Variants in DNAH8 observed in about 807,000 individuals in gnomAD.
DNAH8 encodes axonemal beta dynein heavy chain 8.
In DNAH8, 382 loss-of-function variants were observed where a neutral mutation model predicts 562.1. That is an observed-to-expected ratio of 0.68 (90% CI 0.63 to 0.74). The LOEUF is 0.74. DNAH8 is among the 30% of genes least tolerant of loss of function. The pLI is 0.00. For missense variants in DNAH8, 5,203 were observed against 5,620.4 expected, an observed-to-expected ratio of 0.93 and a Z score of 2.37; for synonymous variants, 1,881 against 1,919.4, an observed-to-expected ratio of 0.98 and a Z score of 0.52.
chr6:39,012,204 C>G lies in DNAH8; in HGVS notation c.13372-11C>G, dbSNP rs1237491098. On this transcript the variant is annotated splice_polypyrimidine_tract_variant and intron_variant, in intron 89 of 92. Transcript: ENST00000327475. Reference sequence around the variant, plus strand: ...AAAATCTCCTTTATTGCATTGTTTACTTTGTTTTAGGTGAAATCTCGTTTG... The same window carrying G: ...AAAATCTCCTTTATTGCATTGTTTAGTTTGTTTTAGGTGAAATCTCGTTTG... The G allele has an allele frequency of 6.3e-7, 1 of 1,585,060 alleles. No individual in the cohort carries two copies. Among genetic ancestry groups the G allele is most frequent in the South Asian group, 1.1e-5 (1 of 88,396 alleles).
chr6:38,804,786 AGAG>A (rs1771111131), intron 22 of DNAH8, among the ~76,000 whole-genome samples: 44 of 110,294 alleles, frequency 4.0e-4, no homozygotes, highest in East Asian at 7.8e-4. Flanking sequence ...AGAGAGAGAG[AGAG>A]AAAGAGAAAA....
Position 38,913,957 on chromosome 6 carries a change from G to T in DNAH8, c.9963+5G>T. 6.2e-7 allele frequency: 1 copy of T among 1,605,238 alleles called. No homozygotes were observed. Among genetic ancestry groups the T allele is most frequent in the East Asian group, 2.2e-5 (1 of 44,650 alleles). On this transcript the variant is annotated splice_donor_5th_base_variant and intron_variant, in intron 67 of 92. Transcript: ENST00000327475. ...GCTTCCATAAAAGCAGACGAAGTGAGTTTGCATTTATTTTATCACTGATGA... is the reference window on the plus strand; with the variant it reads ...GCTTCCATAAAAGCAGACGAAGTGATTTTGCATTTATTTTATCACTGATGA...
Position 38,926,176 on chromosome 6 carries a change from G to T in DNAH8, c.11084G>T (p.Trp3695Leu). 6.2e-7 allele frequency: 1 copy of T among 1,613,508 alleles called. No homozygotes were observed. Among genetic ancestry groups the T allele is most frequent in the African/African-American group, 1.3e-5 (1 of 74,938 alleles). Residue 3695 changes from tryptophan (W) to leucine (L), a missense_variant, in exon 74 of 93, where the codon TGG becomes TTG. Physicochemically the swap from Trp to Leu is moderately conservative, Grantham distance 61 (BLOSUM62 -2). Around this residue, in one of 6 missense-constraint regions of DNAH8, gnomAD observed 1,399 missense variants for 1,518.4 expected, o/e 0.92. Transcript: ENST00000327475. ...GACCCACAAACTCAAGGCAAAACTTGGATTAAATCAAAGGAAAAAGAAAAT... is the reference window on the plus strand; with the variant it reads ...GACCCACAAACTCAAGGCAAAACTTTGATTAAATCAAAGGAAAAAGAAAAT... ...LIDPQTQGKT[W>L]IKSKEKENDL...
chr6:38,993,048 G>A (rs978561008), intron 88 of DNAH8, among the ~76,000 whole-genome samples: 4 of 152,046 alleles, frequency 2.6e-5, no homozygotes, highest in Non-Finnish European at 4.4e-5. Flanking sequence ...CCCTCTCAGT[G>A]GATAGAGCTA....
chr6:38,733,005 C>T (rs1161785974), intron 4 of DNAH8, among the ~76,000 whole-genome samples: 1 of 152,100 alleles, frequency 6.6e-6, no homozygotes, highest in Non-Finnish European at 1.5e-5. Flanking sequence ...TCTCCTGCCT[C>T]AACCTCCTGA....
At chr6:38,799,502 C>T (rs1218170358) in intron 21 of DNAH8, among the ~76,000 whole-genome samples, 2 of 152,136 alleles carry the variant, frequency 1.3e-5, no homozygotes, top group East Asian at 1.9e-4. Flanking sequence ...TCCAAATGCT[C>T]GCACATGCTA....
chr6:38,996,276 A>G (rs1765126549), intron 88 of DNAH8, among the ~76,000 whole-genome samples: 1 of 151,976 alleles, frequency 6.6e-6, no homozygotes. Flanking sequence ...TTCTACTCAC[A>G]TTTTAACCTC....
intron 85 of DNAH8, among the ~76,000 whole-genome samples, chr6:38,981,870 T>C (rs540504657): frequency 2.0e-4 from 30 of 152,356 alleles, no homozygotes; most frequent in African/African-American, 7.2e-4. Context: ...ATTTCTAATA[T>C]GGCTATATGC....
chr6:38,854,040 A>G (rs72852707), intron 41 of DNAH8, among the ~76,000 whole-genome samples: 20,779 of 151,574 alleles, frequency 0.14, 1,637 homozygotes, highest in Admixed American at 0.22. Context: ...GTGTGTGTGT[A>G]TATATATATG....
At chr6:38,816,120 A>G (rs1002716256) in intron 26 of DNAH8, among the ~76,000 whole-genome samples, 1 of 151,248 alleles carries the variant, frequency 6.6e-6, no homozygotes, top group Non-Finnish European at 1.5e-5. Context: ...CAGGATGTGT[A>G]GGTTTGTTAC....
Position 38,768,164 on chromosome 6 carries a change from T to G in DNAH8, c.1618-2249T>G, listed in dbSNP as rs182940926. On this transcript the variant is annotated intron_variant, in intron 11 of 92. Transcript: ENST00000327475. ...GAATTGGGTTGTTTGGGTTTTTTGT[T>G]GTTGTTGTTGTTGAGTTGTAGGATT... Among the ~76,000 whole-genome samples, 480 of 152,266 alleles carry G rather than the reference T, an allele frequency of 3.2e-3. 3 individuals are homozygous for G. The highest frequency in any genetic ancestry group is 0.011 in the African/African-American group (446 of 41,536).
intron 52 of DNAH8, among the ~76,000 whole-genome samples, chr6:38,874,806 T>C (rs988024883): frequency 6.6e-6 from 1 of 152,242 alleles, no homozygotes; most frequent in African/African-American, 2.4e-5. Context: ...CAATTCTCAG[T>C]TAAGAGAGTC....
intron 57 of DNAH8, among the ~76,000 whole-genome samples, chr6:38,889,051 A>G (rs768488667): frequency 3.3e-5 from 5 of 152,222 alleles, no homozygotes; most frequent in African/African-American, 4.8e-5. Context: ...GATTTTGCAC[A>G]TGCATGCCAG....
chr6:38,755,193 A>G (rs970793144), intron 9 of DNAH8, among the ~76,000 whole-genome samples: 6 of 152,156 alleles, frequency 3.9e-5, no homozygotes, highest in African/African-American at 1.4e-4. Flanking sequence ...CACAGAAAAT[A>G]ATGGTGCAAT....
chr6:38,776,049 T>C, intron 13 of DNAH8, 98 bp downstream of exon 13: 1 of 773,184 alleles, frequency 1.3e-6, no homozygotes, highest in Non-Finnish European at 2.2e-6. Flanking sequence ...TAAGTGTTTC[T>C]ATATTTATGA....
In DNAH8 at chr6:38,845,558, T is replaced by C. The variant is rs1775226300; in HGVS notation, c.4846-16T>C. The C allele has an allele frequency of 6.2e-7, 1 of 1,603,430 alleles. No individual in the cohort carries two copies. The highest frequency in any genetic ancestry group is 8.5e-7 in the Non-Finnish European group (1 of 1,170,538). The stretch of plus-strand genomic sequence containing the variant: ...GTTGAAAACATCATGACATATACTT[T>C]GCTTTTCCTTCAAAGGATATTTGCA... On this transcript the variant is annotated splice_polypyrimidine_tract_variant and intron_variant, in intron 35 of 92. Transcript: ENST00000327475.
At chr6:38,924,845 T>A (rs984107177) in intron 73 of DNAH8, 1 of 152,220 alleles carries the variant, frequency 6.6e-6, no homozygotes, top group Non-Finnish European at 1.5e-5. Context: ...TCTTTTTTAG[T>A]GTCTAAAAAC....
At chr6:38,967,207 C>T (rs928988310) in intron 82 of DNAH8, among the ~76,000 whole-genome samples, 1 of 152,010 alleles carries the variant, frequency 6.6e-6, no homozygotes, top group African/African-American at 2.4e-5. Flanking sequence ...AATGCCTTCT[C>T]CCAAAGATCA....
At chr6:38,719,927 G>C (rs186150874) in intron 1 of DNAH8, among the ~76,000 whole-genome samples, 72 of 152,218 alleles carry the variant, frequency 4.7e-4, no homozygotes, top group African/African-American at 1.6e-3. Context: ...CCAGAAAATG[G>C]AAACAAATAC....
Sources: gnomAD v4.1 joint callset for allele counts (sites outside exome capture counted in the v4.1 genomes callset) on GRCh38, gnomAD v4.1.1 for gene constraint, gnomAD v4.1.1 regional missense constraint, MANE v1.5 for transcripts, NCBI Gene and HGNC (gene_info 2026-07-23, HGNC 2026-07-21) for gene names.